Variants in ADGRB3 observed in about 807,000 individuals in gnomAD.
ADGRB3 encodes brain-specific angiogenesis inhibitor 3.
ADGRB3 carries 37 observed loss-of-function variants against 193.4 expected under a neutral mutation model. That is an observed-to-expected ratio of 0.19 (90% CI 0.15 to 0.25). The LOEUF is 0.25. Among genes scored for constraint, ADGRB3 ranks in the 10% least tolerant of loss-of-function variants. The pLI, the probability that ADGRB3 is intolerant of heterozygous loss-of-function variation, is 1.00. For synonymous variants in ADGRB3, 690 were observed against 644.2 expected (o/e 1.07, Z -1.08); for missense variants, 1,637 against 1,852.9 (o/e 0.88, Z 2.14).
rs547236840 is a variant in ADGRB3, at chr6:69,020,891, T to C, written c.2107+2392T>C. On this transcript the variant is annotated intron_variant, in intron 13 of 31. Transcript: ENST00000370598. ...TCAAATTAAGTAATATGAATAATGA[T>C]CTCTTACTATTAATACTTTTTATGT... Among the ~76,000 whole-genome samples, 8 of 152,130 alleles carry C rather than the reference T, an allele frequency of 5.3e-5. No individual in the cohort carries two copies. In the East Asian group the frequency reaches 1.5e-3, roughly 29 times the overall value.
chr6:68,785,111 G>A (rs983529342), intron 3 of ADGRB3, among the ~76,000 whole-genome samples: 11 of 151,822 alleles, frequency 7.2e-5, no homozygotes, highest in Non-Finnish European at 1.3e-4. Context: ...GAATTAATGA[G>A]CTTATATCAG....
At chr6:68,787,060 T>C (rs7738131) in intron 3 of ADGRB3, among the ~76,000 whole-genome samples, 120,166 of 152,132 alleles carry the variant, frequency 0.79, 47,671 homozygotes, top group Middle Eastern at 0.91. Context: ...TGGGCTGAGA[T>C]GATGGCGTTT....
chr6:69,382,523 A>G lies in ADGRB3; in HGVS notation c.4276-308A>G, dbSNP rs550293740. Among the ~76,000 whole-genome samples the G allele has an allele frequency of 2.0e-5, 3 of 152,076 alleles. No homozygotes were observed. The East Asian group carries it at 5.8e-4, about 30-fold the overall frequency. On this transcript the variant is annotated intron_variant, in intron 30 of 31. Coordinates refer to ENST00000370598, the MANE Select transcript of ADGRB3 (RefSeq NM_001704.3). ...AAAAATATGATAACAGTTTTTGTAA[A>G]ACAGTTTTAACTTTTGAATAATGAA...
At chr6:68,644,152 T>G (rs1768150216) in intron 3 of ADGRB3, among the ~76,000 whole-genome samples, 1 of 150,596 alleles carries the variant, frequency 6.6e-6, no homozygotes, top group South Asian at 2.1e-4. Context: ...TAGGTTACAG[T>G]AAAAAAAAAC....
intron 3 of ADGRB3, among the ~76,000 whole-genome samples, chr6:68,859,135 C>G (rs562689238): frequency 6.6e-6 from 1 of 152,330 alleles, no homozygotes; most frequent in South Asian, 2.1e-4. Context: ...CCAAGTTCCA[C>G]AGATCTCTAG....
At chr6:68,916,637 A>C (rs141800250) in intron 3 of ADGRB3, among the ~76,000 whole-genome samples, 1 of 152,328 alleles carries the variant, frequency 6.6e-6, no homozygotes, top group East Asian at 1.9e-4. Flanking sequence ...TTTGTATTTG[A>C]TAGTCGGGAA....
At chr6:68,932,745 A>G (rs1162356230) in intron 4 of ADGRB3, among the ~76,000 whole-genome samples, 1 of 151,782 alleles carries the variant, frequency 6.6e-6, no homozygotes, top group Non-Finnish European at 1.5e-5. Flanking sequence ...CATATAAATA[A>G]TATAAAATTT....
At chr6:68,856,169 C>G (rs558880519) in intron 3 of ADGRB3, among the ~76,000 whole-genome samples, 9 of 152,230 alleles carry the variant, frequency 5.9e-5, no homozygotes, top group African/African-American at 2.2e-4. Context: ...CTCCATTAAC[C>G]CTCTTTCTTT....
intron 3 of ADGRB3, among the ~76,000 whole-genome samples, chr6:68,850,684 T>C (rs981163272): frequency 1.3e-5 from 2 of 152,048 alleles, no homozygotes; most frequent in Non-Finnish European, 2.9e-5. Context: ...CAGACATGAA[T>C]TATTGTTATG....
At chr6:69,246,094 C>A (rs954967119) in intron 20 of ADGRB3, among the ~76,000 whole-genome samples, 2 of 151,994 alleles carry the variant, frequency 1.3e-5, no homozygotes, top group African/African-American at 4.8e-5. Flanking sequence ...TGTGATCTGG[C>A]CCCTGGATTT....
At chr6:68,897,986 A>ATT (rs1291940197) in intron 3 of ADGRB3, among the ~76,000 whole-genome samples, 77 of 147,600 alleles carry the variant, frequency 5.2e-4, no homozygotes, top group African/African-American at 1.8e-3. Flanking sequence ...AATATTACAT[A>ATT]TTATATATAT....
intron 3 of ADGRB3, among the ~76,000 whole-genome samples, chr6:68,855,553 A>T (rs961807640): frequency 4.6e-5 from 7 of 151,974 alleles, no homozygotes; most frequent in Non-Finnish European, 8.8e-5. Context: ...ATATCCTTTG[A>T]TATTATTAAA....
chr6:69,309,327 A>T (rs1166051928), intron 20 of ADGRB3, among the ~76,000 whole-genome samples: 1 of 151,708 alleles, frequency 6.6e-6, no homozygotes, highest in Non-Finnish European at 1.5e-5. Context: ...TTTTGAATTC[A>T]TGGGAGAAAA....
intron 17 of ADGRB3, among the ~76,000 whole-genome samples, chr6:69,107,639 C>T (rs570272202): frequency 6.6e-6 from 1 of 152,184 alleles, no homozygotes; most frequent in South Asian, 2.1e-4. Context: ...AAGCAGTCAA[C>T]CTAGGTGCCC....
At chr6:68,828,125 A>G (rs1767880504) in intron 3 of ADGRB3, among the ~76,000 whole-genome samples, 1 of 152,220 alleles carries the variant, frequency 6.6e-6, no homozygotes. Context: ...ATTATGAACT[A>G]AAAACATTTT....
chr6:68,931,399 TC>T (rs1171877259), intron 4 of ADGRB3, among the ~76,000 whole-genome samples: 1 of 152,088 alleles, frequency 6.6e-6, no homozygotes, highest in African/African-American at 2.4e-5. Context: ...TCATATTTTT[TC>T]TTATCACAAT....
chr6:68,764,204 A>G (rs1487947225), intron 3 of ADGRB3, among the ~76,000 whole-genome samples: 2 of 152,196 alleles, frequency 1.3e-5, no homozygotes, highest in Non-Finnish European at 2.9e-5. Context: ...ATCTGGTTCT[A>G]TTAAATGAGA....
intron 3 of ADGRB3, among the ~76,000 whole-genome samples, chr6:68,876,132 T>C (rs62416392): frequency 0.093 from 14,218 of 152,158 alleles, 877 homozygotes; most frequent in Non-Finnish European, 0.13. Context: ...AGGATACCAA[T>C]CAGACAGACA....
At chr6:68,920,498 CAG>C (rs545043963) in intron 3 of ADGRB3, among the ~76,000 whole-genome samples, 1 of 114,506 alleles carries the variant, frequency 8.7e-6, no homozygotes, top group Non-Finnish European at 1.6e-5. Context: ...GCCTCGGCGA[CAG>C]AGACTCTGTA....
Sources: gnomAD v4.1 joint callset for allele counts (sites outside exome capture counted in the v4.1 genomes callset) on GRCh38, gnomAD v4.1.1 for gene constraint, MANE v1.5 for transcripts, NCBI Gene and HGNC (gene_info 2026-07-23, HGNC 2026-07-21) for gene names.